Variants in HIVEP1 observed in about 807,000 individuals in gnomAD.
HIVEP1 encodes the protein HIVEP zinc finger 1.
In HIVEP1, 36 loss-of-function variants were observed where a neutral mutation model predicts 180.0. The observed-to-expected ratio is 0.20, with a 90% confidence interval of 0.15 to 0.26. The LOEUF (loss-of-function observed/expected upper bound fraction) is 0.26, where lower values mean the gene tolerates loss of function less well. Ranked by LOEUF, HIVEP1 falls within the 10% of genes least tolerant of loss-of-function variation. HIVEP1 has a pLI of 1.00. For synonymous variants in HIVEP1, 1,239 were observed against 1,239.0 expected (o/e 1.00, Z 0.00); for missense variants, 3,143 against 3,268.7 (o/e 0.96, Z 0.94).
downstream of HIVEP1, among the ~76,000 whole-genome samples, chr6:12,168,064 CATATATATGTGTA>C (rs1760782439): frequency 9.3e-5 from 2 of 21,442 alleles, no homozygotes; most frequent in African/African-American, 3.0e-4. Flanking sequence ...TGTATATATA[CATATATATGTGTA>C]TATATACATA....
intron 2 of HIVEP1, among the ~76,000 whole-genome samples, chr6:12,017,726 A>G (rs567730787): frequency 1.8e-4 from 28 of 152,332 alleles, no homozygotes; most frequent in Middle Eastern, 3.4e-3. Flanking sequence ...TCCCCACTAG[A>G]TTAGCTAGAT....
chr6:12,167,652 T>TTACATGTATATATAC (rs1562023676), downstream of HIVEP1, among the ~76,000 whole-genome samples: 1,610 of 18,132 alleles, frequency 0.089, 74 homozygotes, highest in African/African-American at 0.19. Flanking sequence ...TATACATATA[T>TTACATGTATATATAC]ATGTTATATA....
chr6:12,178,629 C>A, the HIVEP1 span, among the ~76,000 whole-genome samples: 1 of 152,110 alleles, frequency 6.6e-6, no homozygotes, highest in Non-Finnish European at 1.5e-5. Context: ...GAAGCAGTGT[C>A]TTCAGACACA....
upstream of HIVEP1, chr6:12,008,830 G>A (rs1767133027): frequency 6.6e-6 from 1 of 152,220 alleles, no homozygotes. Context: ...AAAATTAAAA[G>A]TTAAACCCAG....
intron 7 of HIVEP1, among the ~76,000 whole-genome samples, chr6:12,159,846 G>A (rs1404608394): frequency 1.3e-5 from 2 of 152,220 alleles, no homozygotes; most frequent in South Asian, 2.1e-4. Flanking sequence ...AGTAGCACAC[G>A]TTTGTGATAA....
chr6:12,160,651 C>T (rs1027935266), intron 7 of HIVEP1, among the ~76,000 whole-genome samples: 14 of 152,078 alleles, frequency 9.2e-5, no homozygotes, highest in Admixed American at 4.6e-4. Context: ...GGAGGGGGGC[C>T]GGTGTTACCG....
chr6:12,067,188 T>C (rs892500890), intron 2 of HIVEP1, among the ~76,000 whole-genome samples: 1 of 152,148 alleles, frequency 6.6e-6, no homozygotes, highest in Non-Finnish European at 1.5e-5. Context: ...TTTTAAATAA[T>C]GATTAATTAT....
chr6:12,101,681 T>C (rs1774121262), intron 3 of HIVEP1, among the ~76,000 whole-genome samples: 1 of 151,756 alleles, frequency 6.6e-6, no homozygotes, highest in Non-Finnish European at 1.5e-5. Context: ...AAAGGAGAAG[T>C]AGAGGAACAA....
chr6:12,011,549 C>A (rs2113540531), upstream of HIVEP1, among the ~76,000 whole-genome samples: 1 of 150,818 alleles, frequency 6.6e-6, no homozygotes, highest in East Asian at 2.0e-4. Flanking sequence ...GGGCTCCCGC[C>A]CCCCGCGTCC....
intron 2 of HIVEP1, among the ~76,000 whole-genome samples, chr6:12,016,086 A>G (rs1767724242): frequency 6.6e-6 from 1 of 152,162 alleles, no homozygotes; most frequent in African/African-American, 2.4e-5. Context: ...TCCATCAGTT[A>G]GATTAACAAG....
intron 3 of HIVEP1, among the ~76,000 whole-genome samples, chr6:12,110,612 G>A (rs955296196): frequency 6.6e-6 from 1 of 152,180 alleles, no homozygotes; most frequent in African/African-American, 2.4e-5. Flanking sequence ...GAGAGTTAGG[G>A]CCTTTCTCTG....
intron 3 of HIVEP1, among the ~76,000 whole-genome samples, chr6:12,115,610 A>T (rs1291365248): frequency 4.6e-5 from 7 of 152,006 alleles, no homozygotes; most frequent in Non-Finnish European, 1.0e-4. Context: ...TAGCACACTG[A>T]CAAGTGGGAG....
intron 3 of HIVEP1, among the ~76,000 whole-genome samples, chr6:12,094,015 T>C (rs1444642909): frequency 1.3e-5 from 2 of 152,084 alleles, no homozygotes; most frequent in Non-Finnish European, 2.9e-5. Context: ...TCAAAAAAGA[T>C]TGTATATTTC....
chr6:12,064,009 C>CT (rs1314091110), intron 2 of HIVEP1, among the ~76,000 whole-genome samples: 6 of 152,192 alleles, frequency 3.9e-5, no homozygotes, highest in Non-Finnish European at 2.9e-5. Flanking sequence ...AGGAACATGC[C>CT]TTGGTATAAT....
chr6:12,138,514 C>T (rs1279295033), intron 7 of HIVEP1, among the ~76,000 whole-genome samples: 1 of 152,234 alleles, frequency 6.6e-6, no homozygotes, highest in African/African-American at 2.4e-5. Context: ...TAGCCTTCCA[C>T]TAGCCCAGAG....
At chr6:12,010,281 A>G (rs1198192846), upstream of HIVEP1, among the ~76,000 whole-genome samples, 1 of 152,230 alleles carries the variant, frequency 6.6e-6, no homozygotes, top group African/African-American at 2.4e-5. Flanking sequence ...CTTTGCTTTT[A>G]TAACCAAATT....
chr6:12,152,589 C>T (rs186363505), intron 7 of HIVEP1, among the ~76,000 whole-genome samples: 1 of 152,356 alleles, frequency 6.6e-6, no homozygotes, highest in East Asian at 1.9e-4. Flanking sequence ...CCCAGAATAT[C>T]AGTCCTGTTT....
intron 1 of HIVEP1, among the ~76,000 whole-genome samples, chr6:12,014,280 G>GATGTT (rs1767596850): frequency 6.6e-6 from 1 of 152,142 alleles, no homozygotes; most frequent in African/African-American, 2.4e-5. Context: ...CCTGAAAGTA[G>GATGTT]ATGTTATCAG....
chr6:12,128,453 T>G (rs925498012), intron 4 of HIVEP1, among the ~76,000 whole-genome samples: 1 of 152,214 alleles, frequency 6.6e-6, no homozygotes, highest in Non-Finnish European at 1.5e-5. Flanking sequence ...CACAGCTGTC[T>G]GCTTGACAAT....
Sources: allele counts gnomAD v4.1 joint callset (sites outside exome capture counted in the v4.1 genomes callset), GRCh38; gene constraint gnomAD v4.1.1; transcripts MANE v1.5; gene names NCBI Gene and HGNC (gene_info 2026-07-23, HGNC 2026-07-21).